The following ARHGAP8 variants were observed in gnomAD, a reference collection of about 807,000 sequenced individuals.
ARHGAP8 encodes Rho GTPase activating protein 8.
Under a neutral mutation model 46.1 loss-of-function variants are expected in ARHGAP8, and 62 were observed. The observed-to-expected ratio is 1.34, with a 90% CI of 1.10 to 1.66. The LOEUF is 1.66. Ranked by LOEUF, ARHGAP8 falls within the 40% of genes most tolerant of loss-of-function variation. ARHGAP8 has a pLI of 0.00. For missense variants in ARHGAP8, 923 were observed against 568.4 expected (o/e 1.62, Z -6.34); for synonymous variants, 375 against 243.1 (o/e 1.54, Z -5.05).
chr22:44,779,681 T>C (rs1926698923), intron 1 of ARHGAP8, among the ~76,000 whole-genome samples: 1 of 151,356 alleles, frequency 6.6e-6, no homozygotes, highest in Admixed American at 6.6e-5. Context: ...TCTGCCTCAG[T>C]TTCCCGAGTA....
At chr22:44,833,447 A>C (rs928531629) in intron 7 of ARHGAP8, among the ~76,000 whole-genome samples, 2 of 152,018 alleles carry the variant, frequency 1.3e-5, no homozygotes, top group African/African-American at 4.8e-5. Flanking sequence ...TGTCCTTTAT[A>C]CTGTTGATAT....
At chr22:44,801,521 CTA>C (rs1928550100) in intron 2 of ARHGAP8, among the ~76,000 whole-genome samples, 1 of 152,046 alleles carries the variant, frequency 6.6e-6, no homozygotes, top group Non-Finnish European at 1.5e-5. Flanking sequence ...CCGCAGCTGT[CTA>C]TGTGTGAGGG....
chr22:44,847,474 T>TA (rs1182048745), intron 8 of ARHGAP8, among the ~76,000 whole-genome samples: 4 of 152,212 alleles, frequency 2.6e-5, no homozygotes, highest in Non-Finnish European at 5.9e-5. Flanking sequence ...ACTAGATTTC[T>TA]AATTTTATTT....
At chr22:44,832,924 C>T (rs1931043586) in intron 7 of ARHGAP8, among the ~76,000 whole-genome samples, 1 of 151,812 alleles carries the variant, frequency 6.6e-6, no homozygotes, top group South Asian at 2.1e-4. Flanking sequence ...GCCGGGAGTT[C>T]AAGACTAGCC....
chr22:44,804,831 C>G (rs910837421), intron 3 of ARHGAP8, among the ~76,000 whole-genome samples: 7 of 152,006 alleles, frequency 4.6e-5, no homozygotes, highest in African/African-American at 1.2e-4. Flanking sequence ...AAAGAATCTT[C>G]TGACCACAGC....
At chr22:44,851,129 C>T (rs1357122993) in intron 10 of ARHGAP8, among the ~76,000 whole-genome samples, 1 of 152,050 alleles carries the variant, frequency 6.6e-6, no homozygotes, top group African/African-American at 2.4e-5. Context: ...AGGGAAGGAC[C>T]CAGCTCTGGC....
chr22:44,755,558 C>G (rs1173096671), intron 1 of ARHGAP8, among the ~76,000 whole-genome samples: 1 of 152,210 alleles, frequency 6.6e-6, no homozygotes, highest in East Asian at 1.9e-4. Flanking sequence ...CACTGTGGGA[C>G]TTAGCTGCAG....
At chr22:44,834,892 C>G (rs1285063692) in intron 7 of ARHGAP8, among the ~76,000 whole-genome samples, 1 of 151,972 alleles carries the variant, frequency 6.6e-6, no homozygotes, top group Non-Finnish European at 1.5e-5. Context: ...GTGTTAAAGT[C>G]TATTTTGTCG....
At chr22:44,823,751 G>C (rs1165796583) in intron 6 of ARHGAP8, among the ~76,000 whole-genome samples, 3 of 152,146 alleles carry the variant, frequency 2.0e-5, no homozygotes, top group African/African-American at 4.8e-5. Flanking sequence ...CTGTGTGGGA[G>C]AGTGATTTGG....
intron 2 of ARHGAP8, among the ~76,000 whole-genome samples, chr22:44,793,292 C>G (rs534773035): frequency 1.3e-5 from 2 of 152,148 alleles, no homozygotes; most frequent in South Asian, 4.2e-4. Flanking sequence ...GGTTCCAGGT[C>G]TGAGGACCAG....
At chr22:44,788,188 G>C (rs369710769) in intron 2 of ARHGAP8, among the ~76,000 whole-genome samples, 1 of 151,822 alleles carries the variant, frequency 6.6e-6, no homozygotes, top group East Asian at 1.9e-4. Context: ...GCACGGTCTT[G>C]GCTTACTCTA....
At position 44,802,167 on chromosome 22, in the gene ARHGAP8, A is replaced by T; in HGVS notation, c.167+3A>T. 3.1e-6 allele frequency: 5 copies of T among 1,613,458 alleles called. No homozygotes were observed. The highest frequency in any genetic ancestry group is 4.2e-6 in the Non-Finnish European group (5 of 1,179,446). On this transcript the variant is annotated splice_donor_region_variant and intron_variant, in intron 3 of 11. Transcript: ENST00000356099. ...CTGGACCACCAGCGGCTGCTGGAGT[A>T]AGTGTTCTGCCCCCTCTCTTTCTGT...
intron 7 of ARHGAP8, among the ~76,000 whole-genome samples, chr22:44,827,401 G>C (rs960105139): frequency 7.2e-6 from 1 of 138,628 alleles, no homozygotes; most frequent in Non-Finnish European, 1.5e-5. Context: ...GGAGTGCGGT[G>C]GTGTGAGCTC....
intron 10 of ARHGAP8, among the ~76,000 whole-genome samples, chr22:44,857,126 G>A (rs2147186673): frequency 6.9e-6 from 1 of 143,926 alleles, no homozygotes; most frequent in Admixed American, 6.7e-5. Flanking sequence ...TTTTAGTAGA[G>A]ATGGGGTTTC....
chr22:44,770,056 C>T (rs1012413301), intron 1 of ARHGAP8, among the ~76,000 whole-genome samples: 4 of 151,990 alleles, frequency 2.6e-5, no homozygotes, highest in Non-Finnish European at 5.9e-5. Flanking sequence ...CCATCCTGGC[C>T]AACATGGTGA....
chr22:44,861,331 C>T (rs533176745), intron 11 of ARHGAP8, among the ~76,000 whole-genome samples: 1 of 152,286 alleles, frequency 6.6e-6, no homozygotes, highest in African/African-American at 2.4e-5. Flanking sequence ...TCCATGGGCA[C>T]CGATGTGAAT....
At chr22:44,828,425 ATTTT>A (rs535537198) in intron 7 of ARHGAP8, among the ~76,000 whole-genome samples, 25,382 of 118,268 alleles carry the variant, frequency 0.21, 3,118 homozygotes, top group East Asian at 0.64. Context: ...GCAGACCAGA[ATTTT>A]TTTTTTTTTT....
chr22:44,806,983 C>T (rs576871087), intron 3 of ARHGAP8, among the ~76,000 whole-genome samples: 40 of 151,016 alleles, frequency 2.6e-4, no homozygotes, highest in African/African-American at 9.5e-4. Flanking sequence ...AGAAATCAAA[C>T]GCACACAGGA....
intron 8 of ARHGAP8, among the ~76,000 whole-genome samples, chr22:44,846,164 C>T (rs947034184): frequency 1.1e-4 from 16 of 152,310 alleles, no homozygotes; most frequent in African/African-American, 2.4e-4. Flanking sequence ...CCGTGGGCCC[C>T]GAGACCCCGC....
Sources: gnomAD v4.1 joint callset for allele counts (sites outside exome capture counted in the v4.1 genomes callset) on GRCh38, gnomAD v4.1.1 for gene constraint, MANE v1.5 for transcripts, NCBI Gene and HGNC (gene_info 2026-07-23, HGNC 2026-07-21) for gene names.